The following ZFPM2 variants were observed in gnomAD, a reference collection of about 807,000 sequenced individuals.
ZFPM2 encodes zinc finger protein, FOG family member 2.
A neutral mutation model predicts 98.6 loss-of-function variants in ZFPM2; 20 were observed. The ratio of observed to expected loss-of-function variants is 0.20; its 90% confidence interval spans 0.14 to 0.29. The LOEUF is 0.29. ZFPM2 is among the 10% of genes least tolerant of loss of function. The probability of loss-of-function intolerance (pLI) is 1.00; values close to 1 mark genes in which losing one functional copy is unlikely to be tolerated. For missense variants in ZFPM2, 1,310 were observed against 1,388.6 expected (o/e 0.94, Z 0.90); for synonymous variants, 518 against 502.7 (o/e 1.03, Z -0.41).
intron 4 of ZFPM2, among the ~76,000 whole-genome samples, chr8:105,597,340 T>C (rs1186593711): frequency 6.6e-6 from 1 of 152,164 alleles, no homozygotes; most frequent in Admixed American, 6.5e-5. Context: ...TGCTGGACTA[T>C]TTCTACTTAT....
intron 1 of ZFPM2, among the ~76,000 whole-genome samples, chr8:105,360,135 T>C (rs1396180499): frequency 3.3e-5 from 5 of 152,212 alleles, no homozygotes; most frequent in Non-Finnish European, 5.9e-5. Context: ...TCAGATTCTT[T>C]GAACAATTTC....
At chr8:105,332,024 C>T (rs1372683792) in intron 1 of ZFPM2, among the ~76,000 whole-genome samples, 1 of 151,702 alleles carries the variant, frequency 6.6e-6, no homozygotes, top group East Asian at 1.9e-4. Flanking sequence ...TGTAGCACTT[C>T]CCTATCCAAC....
At chr8:105,433,515 C>T (rs929067440) in intron 2 of ZFPM2, among the ~76,000 whole-genome samples, 3 of 152,102 alleles carry the variant, frequency 2.0e-5, no homozygotes, top group Non-Finnish European at 1.5e-5. Flanking sequence ...CGGCTGGGCA[C>T]GGTGGCTCAT....
chr8:105,515,901 A>C (rs2130525393), intron 3 of ZFPM2, among the ~76,000 whole-genome samples: 1 of 148,862 alleles, frequency 6.7e-6, no homozygotes, highest in Middle Eastern at 3.4e-3. Flanking sequence ...CAAGAAAGAA[A>C]AAACAACTTC....
At chr8:105,772,013 A>G (rs1700435175) in intron 5 of ZFPM2, among the ~76,000 whole-genome samples, 1 of 130,236 alleles carries the variant, frequency 7.7e-6, no homozygotes, top group Non-Finnish European at 1.5e-5. Context: ...TGGTCCTCAC[A>G]AGTGATGGTG....
chr8:105,444,454 C>G (rs532258430), intron 3 of ZFPM2, 73 bp downstream of exon 3: 1 of 1,151,728 alleles, frequency 8.7e-7, no homozygotes, highest in African/African-American at 1.6e-5. Context: ...TTTTCTTGAA[C>G]ATCAGTTAGC....
rs1266321603 is a variant in ZFPM2 at position 105,467,680 on chromosome 8, T to C, written c.301+23299T>C. 2.0e-5 allele frequency among the ~76,000 whole-genome samples: 3 copies of C among 152,050 alleles called. No homozygotes were observed. In the East Asian group the frequency reaches 5.8e-4, roughly 29 times the overall value. Reference sequence around the variant, plus strand: ...TTTAAACAGTGGTTATTTTAATGAATATAAAAGTAGTAGGCTGAGTCTTTG... The same window carrying C: ...TTTAAACAGTGGTTATTTTAATGAACATAAAAGTAGTAGGCTGAGTCTTTG... On this transcript the variant is annotated intron_variant, in intron 3 of 7. Coordinates refer to ENST00000407775, the MANE Select transcript of ZFPM2 (RefSeq NM_012082.4).
At chr8:105,503,263 G>A (rs761974111) in intron 3 of ZFPM2, among the ~76,000 whole-genome samples, 4 of 152,180 alleles carry the variant, frequency 2.6e-5, no homozygotes, top group African/African-American at 4.8e-5. Flanking sequence ...GGAGCAACTC[G>A]AAGAGGGTAG....
rs186971542 is a variant in ZFPM2, at chr8:105,430,103, G to A, written c.199+10801G>A. 9.9e-5 allele frequency among the ~76,000 whole-genome samples: 15 copies of A among 152,256 alleles called. No individual in the cohort carries two copies. The East Asian group carries it at 1.4e-3, about 14-fold the overall frequency. ...GAACACCTGAGCACTGGGGCAGTACGGTTTATCTGAGAAAGATAGTTCTGA... is the reference window on the plus strand; with the variant it reads ...GAACACCTGAGCACTGGGGCAGTACAGTTTATCTGAGAAAGATAGTTCTGA... On this transcript the variant is annotated intron_variant, in intron 2 of 7. Transcript: ENST00000407775.
intron 5 of ZFPM2, among the ~76,000 whole-genome samples, chr8:105,656,294 A>G (rs1248848721): frequency 6.6e-6 from 1 of 152,180 alleles, no homozygotes; most frequent in Non-Finnish European, 1.5e-5. Context: ...CCTGGAAACT[A>G]TTGAATTTTT....
chr8:105,423,998 TAACTC>T (rs1489790849), intron 2 of ZFPM2, among the ~76,000 whole-genome samples: 1 of 152,096 alleles, frequency 6.6e-6, no homozygotes, highest in African/African-American at 2.4e-5. Context: ...TAAAAAAAGA[TAACTC>T]AGGTGAGGGG....
chr8:105,648,403 T>A (rs1197778573), intron 5 of ZFPM2, among the ~76,000 whole-genome samples: 6 of 152,238 alleles, frequency 3.9e-5, no homozygotes, highest in Admixed American at 2.6e-4. Flanking sequence ...TTTGTCAATT[T>A]TGGCTTTTGT....
intron 1 of ZFPM2, among the ~76,000 whole-genome samples, chr8:105,355,695 C>T (rs1388182368): frequency 6.6e-6 from 1 of 152,102 alleles, no homozygotes; most frequent in African/African-American, 2.4e-5. Flanking sequence ...CTCACAAGCC[C>T]ATTCATGTAT....
chr8:105,396,533 T>C (rs1048116627), intron 1 of ZFPM2, among the ~76,000 whole-genome samples: 7 of 152,172 alleles, frequency 4.6e-5, no homozygotes, highest in African/African-American at 1.7e-4. Flanking sequence ...TTGAGAGTAA[T>C]ACATGTTCAA....
chr8:105,761,115 A>G (rs888575467), intron 5 of ZFPM2, among the ~76,000 whole-genome samples: 2 of 151,994 alleles, frequency 1.3e-5, no homozygotes, highest in Non-Finnish European at 2.9e-5. Flanking sequence ...CTTTGGGGAT[A>G]TATTTCTATG....
chr8:105,589,825 G>A (rs1815803913), intron 4 of ZFPM2, among the ~76,000 whole-genome samples: 1 of 152,054 alleles, frequency 6.6e-6, no homozygotes, highest in African/African-American at 2.4e-5. Context: ...GGGTTCAAGC[G>A]ATTCTCCTGC....
chr8:105,343,215 C>T (rs1812461283), intron 1 of ZFPM2, among the ~76,000 whole-genome samples: 1 of 152,018 alleles, frequency 6.6e-6, no homozygotes, highest in Non-Finnish European at 1.5e-5. Context: ...AAAATGAAAA[C>T]TTCATAGGTG....
chr8:105,715,424 A>G (rs76049259), intron 5 of ZFPM2, among the ~76,000 whole-genome samples: 14 of 143,464 alleles, frequency 9.8e-5, no homozygotes, highest in South Asian at 2.2e-4. Context: ...AAAAAAAAAA[A>G]AGAGAGACGT....
At chr8:105,652,486 T>C (rs1421755624) in intron 5 of ZFPM2, among the ~76,000 whole-genome samples, 3 of 151,436 alleles carry the variant, frequency 2.0e-5, no homozygotes, top group Non-Finnish European at 4.4e-5. Context: ...GAAATACATA[T>C]AGATAAGCTA....
Sources: allele counts gnomAD v4.1 joint callset (sites outside exome capture counted in the v4.1 genomes callset), GRCh38; gene constraint gnomAD v4.1.1; transcripts MANE v1.5; gene names NCBI Gene and HGNC (gene_info 2026-07-23, HGNC 2026-07-21).